Variants in MED12L observed in about 807,000 individuals in gnomAD.
The protein encoded by MED12L is mediator complex subunit 12L.
Under a neutral mutation model 281.3 loss-of-function variants are expected in MED12L, and 60 were observed. The ratio of observed to expected loss-of-function variants is 0.21; its 90% confidence interval spans 0.17 to 0.26. The LOEUF (loss-of-function observed/expected upper bound fraction) is 0.26. Ranked by LOEUF, MED12L falls within the 10% of genes least tolerant of loss-of-function variation. MED12L has a pLI of 1.00. For missense variants in MED12L, 2,146 were observed against 2,680.9 expected (o/e 0.80, Z 4.41); for synonymous variants, 974 against 987.2 (o/e 0.99, Z 0.25).
At position 151,159,960 on chromosome 3, in the gene MED12L, A is replaced by C; in HGVS notation, c.966A>C (p.Ile322=). The C allele has an allele frequency of 6.2e-7, 1 of 1,614,212 alleles. No individual in the cohort carries two copies. Among genetic ancestry groups the C allele is most frequent in the Non-Finnish European group, 8.5e-7 (1 of 1,180,040 alleles). The change falls in exon 8 of 45, where the codon ATA becomes ATC. Residue 322 remains isoleucine, a synonymous_variant. Coordinates refer to ENST00000687756, the MANE Select transcript of MED12L (RefSeq NM_001393769.1). Reference sequence around the variant, plus strand: ...CTGCCCACTCACCCCACATGATGATAGGACCAAACAACTCGAGTATCGGGG... The same window carrying C: ...CTGCCCACTCACCCCACATGATGATCGGACCAAACAACTCGAGTATCGGGG... ...LLAAHSPHMM[I]GPNNSSIGAP... is the part of the protein sequence containing the mutation.
intron 16 of MED12L, among the ~76,000 whole-genome samples, chr3:151,211,505 T>G (rs1209689955): frequency 6.6e-6 from 1 of 152,162 alleles, no homozygotes; most frequent in Non-Finnish European, 1.5e-5. Context: ...TGAGACGGTC[T>G]GATTGACCCA....
intron 43 of MED12L, among the ~76,000 whole-genome samples, chr3:151,427,727 G>A (rs1273059119): frequency 6.6e-6 from 1 of 152,218 alleles, no homozygotes; most frequent in East Asian, 1.9e-4. Context: ...GGATAGGCTT[G>A]AGGGGAATGT....
intron 16 of MED12L, among the ~76,000 whole-genome samples, chr3:151,321,324 A>G (rs1287397801): frequency 5.9e-5 from 9 of 152,142 alleles, no homozygotes; most frequent in Non-Finnish European, 1.0e-4. Context: ...GTTAGAATAT[A>G]TGGGGAGAGA....
chr3:151,103,472 A>G (rs1020637668), intron 2 of MED12L, among the ~76,000 whole-genome samples: 5 of 152,346 alleles, frequency 3.3e-5, no homozygotes, highest in African/African-American at 1.2e-4. Context: ...GGAGGTTGTC[A>G]TGGGAAATTG....
intron 38 of MED12L, among the ~76,000 whole-genome samples, chr3:151,392,467 G>GAAAAAAAAAAAAAAAAAAA (rs200781609): frequency 2.1e-5 from 2 of 95,860 alleles, no homozygotes; most frequent in Non-Finnish European, 3.9e-5. Context: ...TCCATCTCAA[G>GAAAAAAAAAAAAAAAAAAA]AAAAAAAAAA....
At chr3:151,125,304 A>C (rs1223720123) in intron 4 of MED12L, among the ~76,000 whole-genome samples, 1 of 152,098 alleles carries the variant, frequency 6.6e-6, no homozygotes, top group Non-Finnish European at 1.5e-5. Context: ...TGTTCTTCTT[A>C]ATTCCGAAGT....
chr3:151,169,967 C>G (rs1482909866), intron 11 of MED12L, among the ~76,000 whole-genome samples: 1 of 152,178 alleles, frequency 6.6e-6, no homozygotes, highest in Non-Finnish European at 1.5e-5. Context: ...TCCTTGATTC[C>G]TTAATTCCCT....
At chr3:151,206,939 C>T (rs1189671849) in intron 16 of MED12L, among the ~76,000 whole-genome samples, 2 of 151,920 alleles carry the variant, frequency 1.3e-5, no homozygotes, top group Non-Finnish European at 2.9e-5. Context: ...CCACCGTGCC[C>T]GGCCATGACT....
chr3:151,390,162 T>A (rs1388510445), intron 38 of MED12L, 27 bp downstream of exon 38: 1 of 1,609,740 alleles, frequency 6.2e-7, no homozygotes, highest in Non-Finnish European at 8.5e-7. Context: ...CACAGATCAC[T>A]CAGAGATGAG....
At chr3:151,285,840 A>G (rs1453222560) in intron 16 of MED12L, among the ~76,000 whole-genome samples, 4 of 152,178 alleles carry the variant, frequency 2.6e-5, no homozygotes, top group African/African-American at 4.8e-5. Flanking sequence ...ACCTTCCGCC[A>G]TGTAAGGACA....
chr3:151,188,401 A>G lies in MED12L; in HGVS notation c.1674A>G (p.Ser558=), dbSNP rs755227193. Reference sequence around the variant, plus strand: ...TAGATGAGAAGGAGTCTATTTCTTCATCCTCTCTTGCTGGATCCAGTTTGC... The same window carrying G: ...TAGATGAGAAGGAGTCTATTTCTTCGTCCTCTCTTGCTGGATCCAGTTTGC... ...EVLDEKESIS[S]SSLAGSSLPV... The change falls in exon 13 of 45, where the codon TCA becomes TCG. Residue 558 remains serine, a synonymous_variant. Coordinates refer to ENST00000687756, the MANE Select transcript of MED12L (RefSeq NM_001393769.1). 1 of 1,611,624 alleles carries G rather than the reference A, an allele frequency of 6.2e-7. No individual in the cohort carries two copies. The highest frequency in any genetic ancestry group is 1.7e-5 in the Admixed American group (1 of 60,024).
At chr3:151,118,132 T>C (rs1318106056) in intron 3 of MED12L, among the ~76,000 whole-genome samples, 1 of 151,870 alleles carries the variant, frequency 6.6e-6, no homozygotes, top group Admixed American at 6.6e-5. Flanking sequence ...ATTGTTTGTG[T>C]TTCTATTTGT....
chr3:151,129,120 G>A (rs1714965091), intron 5 of MED12L, among the ~76,000 whole-genome samples: 1 of 152,178 alleles, frequency 6.6e-6, no homozygotes, highest in Admixed American at 6.5e-5. Context: ...GTTTTGTAAG[G>A]GAGAGTCCAA....
At chr3:151,379,083 A>G (rs1282531573) in intron 31 of MED12L, among the ~76,000 whole-genome samples, 1 of 152,220 alleles carries the variant, frequency 6.6e-6, no homozygotes, top group Non-Finnish European at 1.5e-5. Flanking sequence ...GCTCTTAACT[A>G]CAGTACATTT....
chr3:151,166,055 ACT>A (rs780121549), intron 11 of MED12L, 73 bp downstream of exon 11: 2 of 1,337,308 alleles, frequency 1.5e-6, no homozygotes, highest in Non-Finnish European at 1.0e-6. Context: ...CATTCAGGAA[ACT>A]CTGGCGAAAC....
chr3:151,093,502 T>C (rs1391793574), intron 2 of MED12L, among the ~76,000 whole-genome samples: 2 of 152,242 alleles, frequency 1.3e-5, no homozygotes, highest in African/African-American at 4.8e-5. Flanking sequence ...TATTCCTACC[T>C]GCTGCCCTTG....
At chr3:151,143,228 C>T (rs1192260723) in intron 5 of MED12L, among the ~76,000 whole-genome samples, 2 of 152,068 alleles carry the variant, frequency 1.3e-5, no homozygotes, top group East Asian at 3.9e-4. Flanking sequence ...GGTCATCTGG[C>T]AATATGATGT....
At chr3:151,264,939 T>C (rs1036685310) in intron 16 of MED12L, among the ~76,000 whole-genome samples, 1 of 132,776 alleles carries the variant, frequency 7.5e-6, no homozygotes, top group Non-Finnish European at 1.5e-5. Flanking sequence ...TTGCTCTTGC[T>C]CCTCCACTTC....
intron 36 of MED12L, among the ~76,000 whole-genome samples, chr3:151,386,159 G>A (rs1713311071): frequency 6.6e-6 from 1 of 152,176 alleles, no homozygotes; most frequent in South Asian, 2.1e-4. Context: ...ATTTACCAGG[G>A]AATTTAGAGT....
Sources: gnomAD v4.1 joint callset for allele counts (sites outside exome capture counted in the v4.1 genomes callset) on GRCh38, gnomAD v4.1.1 for gene constraint, MANE v1.5 for transcripts, NCBI Gene and HGNC (gene_info 2026-07-23, HGNC 2026-07-21) for gene names.